The following ACSS3 variants were observed in gnomAD, a reference collection of about 807,000 sequenced individuals.
ACSS3 encodes the protein acyl-CoA synthetase short chain family member 3.
ACSS3 carries 64 observed loss-of-function variants against 84.2 expected under a neutral mutation model. The ratio of observed to expected loss-of-function variants is 0.76; its 90% CI spans 0.62 to 0.94. ACSS3 has a LOEUF of 0.94. Ranked by LOEUF, ACSS3 falls within the 40% of genes least tolerant of loss-of-function variation. ACSS3 has a pLI of 0.00. For missense variants in ACSS3, 815 were observed against 867.6 expected, an observed-to-expected ratio of 0.94 and a Z score of 0.76; for synonymous variants, 317 against 310.1, an observed-to-expected ratio of 1.02 and a Z score of -0.23.
chr12:81,164,397 G>A (rs1887303535), intron 7 of ACSS3, among the ~76,000 whole-genome samples: 1 of 152,096 alleles, frequency 6.6e-6, no homozygotes, highest in Non-Finnish European at 1.5e-5. Context: ...AGATACATAT[G>A]TCAGAAAGTA....
chr12:81,107,501 C>CAA, intron 1 of ACSS3, among the ~76,000 whole-genome samples: 1 of 32,266 alleles, frequency 3.1e-5, no homozygotes, highest in Non-Finnish European at 6.7e-5. Flanking sequence ...TTTTCAGGTA[C>CAA]AAATATATAC....
intron 8 of ACSS3, among the ~76,000 whole-genome samples, chr12:81,190,203 CAT>C (rs2031493724): frequency 1.4e-5 from 2 of 145,932 alleles, no homozygotes; most frequent in South Asian, 4.3e-4. Context: ...AACACAAAAA[CAT>C]AGAGATAGAG....
At chr12:81,171,952 A>G (rs146707933) in intron 7 of ACSS3, among the ~76,000 whole-genome samples, 309 of 152,276 alleles carry the variant, frequency 2.0e-3, no homozygotes, top group African/African-American at 7.1e-3. Context: ...TGGTATTTGT[A>G]TAGCTAAATA....
chr12:81,176,651 G>T (rs1478535406), intron 8 of ACSS3, among the ~76,000 whole-genome samples: 1 of 151,706 alleles, frequency 6.6e-6, no homozygotes, highest in Admixed American at 6.6e-5. Flanking sequence ...AACCAATAAG[G>T]AGTTCTGAAA....
At chr12:81,133,113 TCG>T (rs1885607645) in intron 2 of ACSS3, among the ~76,000 whole-genome samples, 3 of 31,048 alleles carry the variant, frequency 9.7e-5, no homozygotes, top group Non-Finnish European at 3.9e-4. Context: ...AACACTAAAA[TCG>T]TGTTTTTTTT....
chr12:81,157,978 T>C (rs1253320489), intron 7 of ACSS3, among the ~76,000 whole-genome samples: 1 of 144,590 alleles, frequency 6.9e-6, no homozygotes. Flanking sequence ...ACAAATCCCA[T>C]AACTAATAAG....
chr12:81,252,599 C>T (rs1380933970), intron 13 of ACSS3, among the ~76,000 whole-genome samples: 1 of 152,044 alleles, frequency 6.6e-6, no homozygotes, highest in East Asian at 1.9e-4. Context: ...AAAGTCCCGT[C>T]ACCATATATA....
intron 13 of ACSS3, among the ~76,000 whole-genome samples, chr12:81,237,574 T>C (rs1450200734): frequency 6.6e-6 from 1 of 151,680 alleles, no homozygotes; most frequent in Non-Finnish European, 1.5e-5. Flanking sequence ...GAATATTACA[T>C]CATGAGGTTC....
intron 9 of ACSS3, among the ~76,000 whole-genome samples, chr12:81,213,546 A>G (rs1473954358): frequency 3.6e-5 from 5 of 140,548 alleles, no homozygotes; most frequent in Non-Finnish European, 6.1e-5. Flanking sequence ...GTCACTAGCA[A>G]TAGTTCTCTT....
At chr12:81,244,819 T>C (rs1339038877) in intron 13 of ACSS3, among the ~76,000 whole-genome samples, 1 of 152,154 alleles carries the variant, frequency 6.6e-6, no homozygotes, top group Non-Finnish European at 1.5e-5. Flanking sequence ...ATATTAATCG[T>C]AGTTTTAAAA....
intron 9 of ACSS3, 141 bp from the exon 10 acceptor site, chr12:81,216,760 T>A: frequency 2.2e-6 from 1 of 462,898 alleles, no homozygotes; most frequent in South Asian, 2.9e-5. Context: ...AATTTTTAAA[T>A]AATATATTTG....
chr12:81,224,525 C>CAT (rs950178118), intron 11 of ACSS3, among the ~76,000 whole-genome samples: 5 of 150,368 alleles, frequency 3.3e-5, no homozygotes, highest in Non-Finnish European at 5.9e-5. Flanking sequence ...CACATGTTTA[C>CAT]ATATATATAT....
At chr12:81,223,256 A>C (rs1449178983) in intron 11 of ACSS3, among the ~76,000 whole-genome samples, 20 of 152,028 alleles carry the variant, frequency 1.3e-4, no homozygotes, top group Non-Finnish European at 2.8e-4. Flanking sequence ...TGTGTCCTGC[A>C]AGCCATGGTG....
intron 8 of ACSS3, among the ~76,000 whole-genome samples, chr12:81,179,271 CAAAAAAAA>C (rs71098127): frequency 7.5e-5 from 5 of 66,782 alleles, no homozygotes; most frequent in Admixed American, 1.9e-4. Context: ...AAGTAATTGC[CAAAAAAAA>C]AAAAAAAAAA....
intron 11 of ACSS3, among the ~76,000 whole-genome samples, chr12:81,223,716 T>A (rs963142372): frequency 6.6e-6 from 1 of 151,972 alleles, no homozygotes; most frequent in Non-Finnish European, 1.5e-5. Flanking sequence ...AATAACTTCA[T>A]ATGAAAATCT....
chr12:81,131,936 T>G (rs1730966990), intron 2 of ACSS3, among the ~76,000 whole-genome samples: 1 of 152,172 alleles, frequency 6.6e-6, no homozygotes, highest in Admixed American at 6.5e-5. Flanking sequence ...CGTTTATTGA[T>G]TTGCCTATGT....
At chr12:81,168,535 A>T (rs1371606667) in intron 7 of ACSS3, among the ~76,000 whole-genome samples, 2 of 152,174 alleles carry the variant, frequency 1.3e-5, no homozygotes, top group Non-Finnish European at 2.9e-5. Context: ...AAAACACTGG[A>T]TGAGAGTGAT....
chr12:81,158,894 C>T (rs780913496), intron 7 of ACSS3, among the ~76,000 whole-genome samples: 1 of 152,044 alleles, frequency 6.6e-6, no homozygotes, highest in Admixed American at 6.6e-5. Flanking sequence ...GTTCGTTTGC[C>T]CTTCTTTCCT....
chr12:81,228,745 C>G (rs1392588170), intron 11 of ACSS3, among the ~76,000 whole-genome samples: 1 of 151,668 alleles, frequency 6.6e-6, no homozygotes, highest in Non-Finnish European at 1.5e-5. Flanking sequence ...ACTAGGCTAC[C>G]AGGACACTCA....
Sources: gnomAD v4.1 joint callset for allele counts (sites outside exome capture counted in the v4.1 genomes callset) on GRCh38, gnomAD v4.1.1 for gene constraint, MANE v1.5 for transcripts, NCBI Gene and HGNC (gene_info 2026-07-23, HGNC 2026-07-21) for gene names.